Variants in ALDH4A1 observed in about 807,000 individuals in gnomAD.
ALDH4A1 encodes the protein aldehyde dehydrogenase 4 family member A1.
ALDH4A1 carries 46 observed loss-of-function variants against 70.5 expected under a neutral mutation model. The ratio of observed to expected loss-of-function variants is 0.65; its 90% CI spans 0.51 to 0.83. ALDH4A1 has a LOEUF of 0.83. ALDH4A1 is among the 40% of genes least tolerant of loss of function. The pLI is 0.00. For synonymous variants in ALDH4A1, 323 were observed against 324.3 expected (o/e 1.00, Z 0.04); for missense variants, 749 against 766.5 (o/e 0.98, Z 0.27).
At chr1:18,879,408 G>A (rs1207361081) in intron 8 of ALDH4A1, 35 bp from the exon 9 acceptor site, 10 of 1,587,114 alleles carry the variant, frequency 6.3e-6, no homozygotes, top group Non-Finnish European at 8.6e-6. Flanking sequence ...GGTTCAGGGA[G>A]CCAGGCCAGA....
At chr1:18,891,565 T>G (rs1481768380) in intron 1 of ALDH4A1, among the ~76,000 whole-genome samples, 1 of 151,896 alleles carries the variant, frequency 6.6e-6, no homozygotes, top group Non-Finnish European at 1.5e-5. Context: ...ACCCATGGGG[T>G]TTGGCAGGGT....
chr1:18,876,921 C>T (rs1187152547), intron 11 of ALDH4A1, among the ~76,000 whole-genome samples: 1 of 152,160 alleles, frequency 6.6e-6, no homozygotes, highest in African/African-American at 2.4e-5. Context: ...CCACACGGAG[C>T]CCTATATGAA....
At chr1:18,875,580 C>T in intron 12 of ALDH4A1, 77 bp from the exon 13 acceptor site, 3 of 1,607,920 alleles carry the variant, frequency 1.9e-6, no homozygotes, top group Non-Finnish European at 2.6e-6. Context: ...TGCCCCTGCT[C>T]TGGCTCACCC....
intron 1 of ALDH4A1, among the ~76,000 whole-genome samples, chr1:18,895,844 A>C (rs1466304666): frequency 6.6e-6 from 1 of 152,194 alleles, no homozygotes; most frequent in Non-Finnish European, 1.5e-5. Context: ...TCTCCAAGTC[A>C]CTCAGGTCCA....
intron 1 of ALDH4A1, chr1:18,890,623 T>C (rs1332336941): frequency 2.2e-6 from 2 of 927,954 alleles, no homozygotes; most frequent in Middle Eastern, 5.6e-4. Context: ...TGTGTGTCCT[T>C]GAGCCTGTGA....
chr1:18,873,019 G>C, intron 14 of ALDH4A1, 62 bp from the exon 15 acceptor site: 1 of 1,397,848 alleles, frequency 7.2e-7, no homozygotes, highest in African/African-American at 1.4e-5. Context: ...AGAAGGGGAA[G>C]GGAGGAGATG....
chr1:18,881,111 C>T (rs1450368898), intron 8 of ALDH4A1, among the ~76,000 whole-genome samples: 3 of 152,092 alleles, frequency 2.0e-5, no homozygotes, highest in African/African-American at 7.2e-5. Context: ...CAGGTAGTGG[C>T]CTGCCTCCCC....
At position 18,879,366 on chromosome 1, in the gene ALDH4A1, T is replaced by C; in HGVS notation, c.874A>G (p.Lys292Glu). The part of the protein sequence containing the change: ...INFTGSVPTF[K>E]HLWKQVAQNL... ...TGGGCCACCTGCTTCCACAGGTGTT[T>C]GAAGGTGCTGGAACCACAGGAGAAA... Residue 292 changes from lysine to glutamate, a missense_variant, in exon 9 of 15, where the codon AAA (lysine) becomes GAA (glutamate). Physicochemically the swap from Lys to Glu is moderately conservative, Grantham distance 56. Transcript: ENST00000375341. 6.2e-7 allele frequency: 1 copy of C among 1,610,804 alleles called. No homozygotes were observed. The highest frequency in any genetic ancestry group is 8.5e-7 in the Non-Finnish European group (1 of 1,178,734).
rs1934714270 is a variant in ALDH4A1 at position 18,876,858 on chromosome 1, C to T, written c.1185+350G>A. Among the ~76,000 whole-genome samples, 3 of 152,282 alleles carry T rather than the reference C, an allele frequency of 2.0e-5. No individual in the cohort carries two copies. In the South Asian group the frequency reaches 6.2e-4, roughly 32 times the overall value. ...ACTTATCGACATATGCGTGTGTGTG[C>T]TTATGTGCAAATGGATATGTACGTG... On this transcript the variant is annotated intron_variant, in intron 11 of 14. Coordinates refer to ENST00000375341, the MANE Select transcript of ALDH4A1 (RefSeq NM_003748.4).
intron 1 of ALDH4A1, among the ~76,000 whole-genome samples, chr1:18,893,479 G>A (rs1168568600): frequency 6.6e-6 from 1 of 152,030 alleles, no homozygotes; most frequent in Non-Finnish European, 1.5e-5. Flanking sequence ...GTCACACAAA[G>A]AACAATGCAC....
chr1:18,885,658 C>T, intron 4 of ALDH4A1, 30 bp from the exon 5 acceptor site: 1 of 1,613,162 alleles, frequency 6.2e-7, no homozygotes, highest in Middle Eastern at 1.7e-4. Flanking sequence ...TTGGGGACTG[C>T]CACCTGCAGC....
Position 18,898,512 on chromosome 1 carries a change from G to A in ALDH4A1, c.62+3950C>T, listed in dbSNP as rs189437570. On this transcript the variant is annotated intron_variant, in intron 1 of 14. Coordinates refer to ENST00000375341, the MANE Select transcript of ALDH4A1 (RefSeq NM_003748.4). This position sits in a 1 kb window ranked among gnomAD's most constrained non-coding sequence, Gnocchi z 4.3. ...AGATGATCACTCCAGGAAGCCCATT[G>A]GTGGGAGAGGGGGATCATCATAACC... 5.7e-4 allele frequency among the ~76,000 whole-genome samples: 87 copies of A among 152,328 alleles called. No individual in the cohort carries two copies. Among genetic ancestry groups the A allele is most frequent in the African/African-American group, 2.1e-3 (87 of 41,574 alleles).
chr1:18,873,844 T>C (rs1258884751), intron 14 of ALDH4A1, among the ~76,000 whole-genome samples: 1 of 152,208 alleles, frequency 6.6e-6, no homozygotes, highest in East Asian at 1.9e-4. Context: ...CAAGAGGGCA[T>C]CATGGGAGCT....
At position 18,877,625 on chromosome 1, in the gene ALDH4A1, G is replaced by T; in HGVS notation, c.941-13C>A. On this transcript the variant is annotated splice_polypyrimidine_tract_variant and intron_variant, in intron 9 of 14. Transcript: ENST00000375341. ...TTTCCGCCGCACTCTACAGGGGTCGGGGGTGGGGAAATGACCAGAGGAGCT... is the reference window on the plus strand; with the variant it reads ...TTTCCGCCGCACTCTACAGGGGTCGTGGGTGGGGAAATGACCAGAGGAGCT... 2 of 712,934 alleles carry T rather than the reference G, an allele frequency of 2.8e-6. No homozygotes were observed. The highest frequency in any genetic ancestry group is 1.4e-5 in the South Asian group (1 of 73,394). The allele number at this position is 712,934 out of a possible 1,614,324, so 44.2% of individuals were successfully genotyped here. A position where few individuals can be genotyped will look rare whatever the true frequency, so the allele number is the denominator to read the frequency against.
chr1:18,886,654 C>A lies in ALDH4A1; in HGVS notation c.250-143G>T, dbSNP rs1935216268. ...CTCCCCCGCTCCCATGAAACCCTCC[C>A]CAGTGCCCGGCCCACAGGTTGCTCC... On this transcript the variant is annotated intron_variant, in intron 3 of 14. Transcript: ENST00000375341. 5 of 876,028 alleles carry A rather than the reference C, an allele frequency of 5.7e-6. No individual in the cohort carries two copies. The East Asian group carries it at 1.0e-4, about 18-fold the overall frequency. 54.3% of individuals were successfully genotyped at this position (876,028 alleles called of 1,614,324 possible). A position where few individuals can be genotyped will look rare whatever the true frequency, so the allele number is the denominator to read the frequency against.
At chr1:18,877,138 T>C in intron 11 of ALDH4A1, 70 bp downstream of exon 11, 1 of 1,556,926 alleles carries the variant, frequency 6.4e-7, no homozygotes, top group Non-Finnish European at 8.7e-7. Context: ...GTACCCTGTA[T>C]CTCTTCCTCC....
Position 18,895,032 on chromosome 1 carries a change from G to A in ALDH4A1, c.63-4927C>T, listed in dbSNP as rs150905505. The stretch of plus-strand genomic sequence containing the variant: ...AGGACAGCATTCCTCATCCATTCAC[G>A]CATTTATGCAGTCAGTACACATTTA... On this transcript the variant is annotated intron_variant, in intron 1 of 14. Transcript: ENST00000375341. Among the ~76,000 whole-genome samples, 98 of 152,124 alleles carry A rather than the reference G, an allele frequency of 6.4e-4. No individual in the cohort carries two copies. The East Asian group carries it at 0.014, about 22-fold the overall frequency.
At chr1:18,878,832 C>T (rs1934841798) in intron 9 of ALDH4A1, among the ~76,000 whole-genome samples, 1 of 152,134 alleles carries the variant, frequency 6.6e-6, no homozygotes, top group Non-Finnish European at 1.5e-5. Context: ...CAACAAGGTC[C>T]AGCCCTGCCT....
chr1:18,872,107 G>C lies in ALDH4A1; in HGVS notation c.*738C>G, dbSNP rs564620605. Reference sequence around the variant, plus strand: ...AAGGGAAGGCTGACATAGGACGAAGGCCCATCCAAGGTTTTCCAGAATCAC... The same window carrying C: ...AAGGGAAGGCTGACATAGGACGAAGCCCCATCCAAGGTTTTCCAGAATCAC... On this transcript the variant is annotated 3_prime_UTR_variant, in exon 15 of 15. Coordinates refer to ENST00000375341, the MANE Select transcript of ALDH4A1 (RefSeq NM_003748.4). 6.6e-6 allele frequency: 1 copy of C among 152,476 alleles called. No individual in the cohort carries two copies. Among genetic ancestry groups the C allele is most frequent in the East Asian group, 1.9e-4 (1 of 5,192 alleles). The allele number at this position is 152,476 out of a possible 1,614,324, so 9.4% of individuals were successfully genotyped here.
Sources: allele counts gnomAD v4.1 joint callset (sites outside exome capture counted in the v4.1 genomes callset), GRCh38; gene constraint gnomAD v4.1.1; non-coding constraint Gnocchi (gnomAD v3.1); transcripts MANE v1.5; gene names NCBI Gene and HGNC (gene_info 2026-07-23, HGNC 2026-07-21).